Variants in DACH2 observed in about 807,000 individuals in gnomAD.
DACH2 encodes dachshund homolog 2.
Under a neutral mutation model 35.8 loss-of-function variants are expected in DACH2, and 17 were observed. The ratio of observed to expected loss-of-function variants is 0.48; its 90% CI spans 0.33 to 0.71. The LOEUF (loss-of-function observed/expected upper bound fraction) is 0.71, where lower values mean the gene tolerates loss of function less well. DACH2 is among the 30% of genes least tolerant of loss of function. The probability of loss-of-function intolerance (pLI) is 0.02; values close to 1 mark genes in which losing one functional copy is unlikely to be tolerated. For synonymous variants in DACH2, 195 were observed against 177.3 expected, an observed-to-expected ratio of 1.10 and a Z score of -0.79; for missense variants, 469 against 472.7, an observed-to-expected ratio of 0.99 and a Z score of 0.07.
intron 1 of DACH2, among the ~76,000 whole-genome samples, chrX:86,317,489 A>C (rs1176435586): frequency 8.9e-6 from 1 of 112,500 alleles, no homozygotes; most frequent in Non-Finnish European, 1.9e-5. Flanking sequence ...AATGTAGGCA[A>C]AAACTTAAAA....
chrX:86,533,860 A>C (rs2148291485), intron 3 of DACH2, among the ~76,000 whole-genome samples: 1 of 111,189 alleles, frequency 9.0e-6, no homozygotes, highest in South Asian at 3.8e-4. Flanking sequence ...GGCCAGATAA[A>C]GCCAGTGATA....
intron 2 of DACH2, among the ~76,000 whole-genome samples, chrX:86,392,301 C>G (rs976639444): frequency 9.0e-6 from 1 of 111,362 alleles, no homozygotes; most frequent in Admixed American, 9.6e-5. Flanking sequence ...ACATGTAGAA[C>G]ATATTGTTTC....
chrX:86,209,884 T>C (rs1352246498), intron 1 of DACH2, among the ~76,000 whole-genome samples: 2 of 111,495 alleles, frequency 1.8e-5, no homozygotes, highest in Non-Finnish European at 3.8e-5. Context: ...AAAGACTATA[T>C]CCTGTCATTC....
At chrX:86,709,940 T>G (rs755281817) in intron 5 of DACH2, among the ~76,000 whole-genome samples, 11 of 112,163 alleles carry the variant, frequency 9.8e-5, no homozygotes, top group Non-Finnish European at 1.9e-4. Flanking sequence ...TTGGTTTTAA[T>G]GGAAATGCAA....
chrX:86,721,904 G>T (rs1462541318), intron 6 of DACH2, among the ~76,000 whole-genome samples: 1 of 111,177 alleles, frequency 9.0e-6, no homozygotes, highest in Non-Finnish European at 1.9e-5. Flanking sequence ...AAAACTTCCA[G>T]ATATCCTGAG....
chrX:86,757,428 A>T (rs1159338023), intron 7 of DACH2, among the ~76,000 whole-genome samples: 1 of 112,251 alleles, frequency 8.9e-6, no homozygotes, highest in Non-Finnish European at 1.9e-5. Context: ...ATTTCTTGAA[A>T]TAGTTTGAAA....
intron 2 of DACH2, among the ~76,000 whole-genome samples, chrX:86,506,456 C>T (rs780502373): frequency 2.1e-4 from 23 of 111,826 alleles, no homozygotes; most frequent in South Asian, 3.7e-4. Context: ...TGCAGTGGCA[C>T]GATCATAGCT....
At chrX:86,337,825 G>A (rs1265056787) in intron 1 of DACH2, among the ~76,000 whole-genome samples, 1 of 111,580 alleles carries the variant, frequency 9.0e-6, no homozygotes, top group Non-Finnish European at 1.9e-5. Flanking sequence ...CCCATCTCAT[G>A]TGCAGAGACA....
chrX:86,195,916 A>G (rs2031969239), intron 1 of DACH2, among the ~76,000 whole-genome samples: 1 of 111,857 alleles, frequency 8.9e-6, no homozygotes, highest in African/African-American at 3.3e-5. Flanking sequence ...ATCAAATAGG[A>G]TAAAAGAAAA....
intron 1 of DACH2, among the ~76,000 whole-genome samples, chrX:86,168,829 T>C (rs1225887415): frequency 9.0e-6 from 1 of 111,252 alleles, no homozygotes; most frequent in Non-Finnish European, 1.9e-5. Context: ...TTTTGTTTTT[T>C]CTATTTATAT....
chrX:86,221,437 G>A (rs772249609), intron 1 of DACH2, among the ~76,000 whole-genome samples: 2 of 111,704 alleles, frequency 1.8e-5, no homozygotes, highest in Admixed American at 1.9e-4. Flanking sequence ...CTTTATGCTA[G>A]TGCCATCCTG....
At chrX:86,772,237 A>G (rs1319386588) in intron 7 of DACH2, among the ~76,000 whole-genome samples, 1 of 111,644 alleles carries the variant, frequency 9.0e-6, no homozygotes, top group African/African-American at 3.3e-5. Context: ...TTAGTATAAT[A>G]TTATGCTTAC....
chrX:86,394,521 T>C (rs908311514), intron 2 of DACH2, among the ~76,000 whole-genome samples: 1 of 111,613 alleles, frequency 9.0e-6, no homozygotes, highest in Non-Finnish European at 1.9e-5. Context: ...TAGAAAAGCC[T>C]ACCTGATAAA....
intron 2 of DACH2, among the ~76,000 whole-genome samples, chrX:86,476,631 C>T (rs1477622147): frequency 9.0e-6 from 1 of 111,040 alleles, no homozygotes; most frequent in Non-Finnish European, 1.9e-5. Context: ...GTATTGTTTG[C>T]TTCATGTCAA....
intron 4 of DACH2, among the ~76,000 whole-genome samples, chrX:86,685,356 G>T (rs1164955105): frequency 1.8e-5 from 2 of 111,781 alleles, no homozygotes; most frequent in African/African-American, 6.5e-5. Flanking sequence ...ATCAGTGATG[G>T]TTCATATCTT....
chrX:86,637,974 A>G (rs771202057), intron 3 of DACH2, among the ~76,000 whole-genome samples: 1 of 112,104 alleles, frequency 8.9e-6, no homozygotes, highest in South Asian at 3.7e-4. Flanking sequence ...AAGCAAAAAG[A>G]ACAAGGGCAG....
At chrX:86,292,943 C>A (rs988802554) in intron 1 of DACH2, among the ~76,000 whole-genome samples, 2 of 100,855 alleles carry the variant, frequency 2.0e-5, no homozygotes, top group African/African-American at 7.5e-5. Context: ...CTATTAGGTC[C>A]GCTTGGTGAA....
chrX:86,625,209 A>AGTGTGTGTGT (rs72281959), intron 3 of DACH2, among the ~76,000 whole-genome samples: 5 of 85,506 alleles, frequency 5.8e-5, no homozygotes, highest in Non-Finnish European at 1.2e-4. Flanking sequence ...AAACCTTCTT[A>AGTGTGTGTGT]GTGTGTGTGT....
chrX:86,766,725 A>T (rs1172089648), intron 7 of DACH2, among the ~76,000 whole-genome samples: 1 of 111,946 alleles, frequency 8.9e-6, no homozygotes, highest in Non-Finnish European at 1.9e-5. Flanking sequence ...CAATTACTGG[A>T]ATATTTTACC....
Sources: allele counts gnomAD v4.1 joint callset (sites outside exome capture counted in the v4.1 genomes callset), GRCh38; gene constraint gnomAD v4.1.1; transcripts MANE v1.5; gene names NCBI Gene and HGNC (gene_info 2026-07-23, HGNC 2026-07-21).